The following OLFM3 variants were observed in gnomAD, a reference collection of about 807,000 sequenced individuals.
OLFM3 encodes noelin-3.
OLFM3 carries 20 observed loss-of-function variants against 48.6 expected under a neutral mutation model. The observed-to-expected ratio is 0.41, with a 90% CI of 0.29 to 0.60. The LOEUF (loss-of-function observed/expected upper bound fraction) is 0.60, where lower values mean the gene tolerates loss of function less well. Ranked by LOEUF, OLFM3 falls within the 20% of genes least tolerant of loss-of-function variation. The pLI is 0.28. For missense variants in OLFM3, 437 were observed against 544.3 expected (o/e 0.80, Z 1.96); for synonymous variants, 222 against 198.1 (o/e 1.12, Z -1.01).
chr1:101,909,928 C>T lies in OLFM3; in HGVS notation c.70-72903G>A, dbSNP rs892125360. On this transcript the variant is annotated intron_variant, in intron 1 of 5. Transcript: ENST00000370103. ...TATCTTTCAAGGCAGACTTGGTGTC[C>T]AGGTAAACTATAGACTCATCCAATA... 5.2e-5 allele frequency: 51 copies of T among 980,136 alleles called. No homozygotes were observed. The African/African-American group carries it at 8.0e-4, about 15-fold the overall frequency. 60.7% of individuals were successfully genotyped at this position (980,136 alleles called of 1,614,324 possible). A position where few individuals can be genotyped will look rare whatever the true frequency, so the allele number is the denominator to read the frequency against.
At chr1:101,836,738 A>G in intron 2 of OLFM3, 141 bp downstream of exon 2, 1 of 798,290 alleles carries the variant, frequency 1.3e-6, no homozygotes, top group East Asian at 2.5e-5. Flanking sequence ...AACCCTTTCA[A>G]GGATCAGAAA....
chr1:101,817,635 A>G (rs1174855973), intron 4 of OLFM3, among the ~76,000 whole-genome samples: 1 of 148,234 alleles, frequency 6.7e-6, no homozygotes, highest in Non-Finnish European at 1.5e-5. Flanking sequence ...TATTTCTTAT[A>G]TAATTGTACT....
At chr1:101,822,672 G>A (rs1173589437) in intron 4 of OLFM3, among the ~76,000 whole-genome samples, 1 of 152,104 alleles carries the variant, frequency 6.6e-6, no homozygotes, top group Non-Finnish European at 1.5e-5. Flanking sequence ...TGAGGACACT[G>A]GGTAATTCTT....
At chr1:101,916,765 G>T (rs1658941065) in intron 1 of OLFM3, among the ~76,000 whole-genome samples, 1 of 152,114 alleles carries the variant, frequency 6.6e-6, no homozygotes, top group African/African-American at 2.4e-5. Flanking sequence ...AAGAGTTTTT[G>T]TGATTGTGAG....
intron 1 of OLFM3, among the ~76,000 whole-genome samples, chr1:101,915,506 C>T (rs116428933): frequency 0.014 from 2,193 of 152,134 alleles, 59 homozygotes; most frequent in African/African-American, 0.051. Flanking sequence ...AGATTCTCTG[C>T]TCTTGATGAA....
At chr1:101,864,483 T>C (rs975905156) in intron 1 of OLFM3, among the ~76,000 whole-genome samples, 2 of 152,204 alleles carry the variant, frequency 1.3e-5, no homozygotes, top group Non-Finnish European at 2.9e-5. Context: ...TACTGAAGTA[T>C]TTTTATTTAT....
chr1:101,979,109 A>C (rs12023576), intron 1 of OLFM3, among the ~76,000 whole-genome samples: 37,654 of 152,074 alleles, frequency 0.25, 5,236 homozygotes, highest in Middle Eastern at 0.36. Context: ...GCATGCAGAA[A>C]TAATACATTC....
Position 101,803,992 on chromosome 1 carries a change from C to CTT in OLFM3, c.*244_*245dup, listed in dbSNP as rs200235119. The CTT allele has an allele frequency of 0.01, 2,648 of 261,482 alleles. No individual in the cohort carries two copies. The highest frequency in any genetic ancestry group is 0.035 in the East Asian group (471 of 13,436). The allele number at this position is 261,482 out of a possible 1,614,324, so 16.2% of individuals were successfully genotyped here. A position where few individuals can be genotyped will look rare whatever the true frequency, so the allele number is the denominator to read the frequency against. On this transcript the variant is annotated 3_prime_UTR_variant, in exon 6 of 6. Coordinates refer to ENST00000370103, the MANE Select transcript of OLFM3 (RefSeq NM_058170.4). Reference sequence around the variant, plus strand: ...AACTATGACTTTAGCCACTTAAACTCTTTTTTTTTTTAGTGCTTTTCATGA... The same window carrying CTT: ...AACTATGACTTTAGCCACTTAAACTCTTTTTTTTTTTTTAGTGCTTTTCATGA...
chr1:101,898,075 A>G (rs559735831), intron 1 of OLFM3, among the ~76,000 whole-genome samples: 1 of 152,316 alleles, frequency 6.6e-6, no homozygotes, highest in East Asian at 1.9e-4. Flanking sequence ...AAAAATTTTT[A>G]AAAGAAATAA....
At chr1:101,870,557 C>T (rs191944091) in intron 1 of OLFM3, among the ~76,000 whole-genome samples, 1 of 152,276 alleles carries the variant, frequency 6.6e-6, no homozygotes, top group African/African-American at 2.4e-5. Flanking sequence ...CTTCCTCATA[C>T]ATCCCAATTG....
intron 1 of OLFM3, among the ~76,000 whole-genome samples, chr1:101,950,517 C>A (rs1042398868): frequency 9.9e-5 from 15 of 151,590 alleles, no homozygotes; most frequent in African/African-American, 3.6e-4. Context: ...CGGCTCACTG[C>A]AAGCTCCGCC....
At chr1:101,828,161 C>G (rs189742954) in intron 3 of OLFM3, among the ~76,000 whole-genome samples, 3 of 152,062 alleles carry the variant, frequency 2.0e-5, no homozygotes, top group Non-Finnish European at 4.4e-5. Context: ...CCATGCAGAA[C>G]TGTAAGTCAA....
Position 101,822,054 on chromosome 1 carries a change from G to T in OLFM3, c.592+2972C>A, listed in dbSNP as rs1036709333. Among the ~76,000 whole-genome samples, 3 of 152,180 alleles carry T rather than the reference G, an allele frequency of 2.0e-5. No homozygotes were observed. The South Asian group carries it at 6.2e-4, about 32-fold the overall frequency. On this transcript the variant is annotated intron_variant, in intron 4 of 5. Transcript: ENST00000370103. ...TAGAAATATTATGCAAAGTTCAATA[G>T]GAAGAATAAAAAGGATGAATGCGTG...
At chr1:101,815,479 G>T (rs1336231341) in intron 4 of OLFM3, among the ~76,000 whole-genome samples, 1 of 151,418 alleles carries the variant, frequency 6.6e-6, no homozygotes, top group Non-Finnish European at 1.5e-5. Context: ...AGGTTATCAG[G>T]CTGATTTAGG....
chr1:101,900,609 A>G (rs1269241550), intron 1 of OLFM3, among the ~76,000 whole-genome samples: 1 of 152,126 alleles, frequency 6.6e-6, no homozygotes, highest in Non-Finnish European at 1.5e-5. Flanking sequence ...GGTCAGAGCT[A>G]AAAAGTGAAA....
intron 1 of OLFM3, among the ~76,000 whole-genome samples, chr1:101,910,854 A>G (rs1396012925): frequency 2.0e-5 from 3 of 152,232 alleles, no homozygotes; most frequent in Non-Finnish European, 4.4e-5. Flanking sequence ...TCCAGATTAC[A>G]TAACAGCTAT....
At chr1:101,857,273 A>C (rs1409397851) in intron 1 of OLFM3, among the ~76,000 whole-genome samples, 1 of 152,008 alleles carries the variant, frequency 6.6e-6, no homozygotes, top group Non-Finnish European at 1.5e-5. Context: ...TTGTCAGGAA[A>C]ACAGTATTTT....
chr1:101,982,056 G>T (rs569888581), intron 1 of OLFM3, among the ~76,000 whole-genome samples: 2 of 152,156 alleles, frequency 1.3e-5, no homozygotes, highest in Non-Finnish European at 2.9e-5. Context: ...TTTAGGTTAT[G>T]CTAAATTGAA....
intron 1 of OLFM3, among the ~76,000 whole-genome samples, chr1:101,947,207 A>G (rs1659989846): frequency 6.6e-6 from 1 of 152,212 alleles, no homozygotes; most frequent in Non-Finnish European, 1.5e-5. Context: ...TCATTTTAAT[A>G]CCACACAATG....
Sources: gnomAD v4.1 joint callset for allele counts (sites outside exome capture counted in the v4.1 genomes callset) on GRCh38, gnomAD v4.1.1 for gene constraint, MANE v1.5 for transcripts, NCBI Gene and HGNC (gene_info 2026-07-23, HGNC 2026-07-21) for gene names.